Variants in UCHL5 observed in about 807,000 individuals in gnomAD.
The protein encoded by UCHL5 is ubiquitin C-terminal hydrolase L5, also known as ubiquitin carboxyl-terminal hydrolase isozyme L5.
A neutral mutation model predicts 53.8 loss-of-function variants in UCHL5; 34 were observed. That is an observed-to-expected ratio of 0.63 (90% confidence interval 0.48 to 0.84). The LOEUF is 0.84. Among genes scored for constraint, UCHL5 ranks in the 40% least tolerant of loss-of-function variants. UCHL5 has a pLI of 0.00. For synonymous variants in UCHL5, 111 were observed against 126.3 expected, an observed-to-expected ratio of 0.88 and a Z score of 0.81; for missense variants, 290 against 385.6, an observed-to-expected ratio of 0.75 and a Z score of 2.08.
intron 10 of UCHL5, among the ~76,000 whole-genome samples, chr1:193,017,213 A>G (rs1324568621): frequency 1.3e-5 from 2 of 151,934 alleles, no homozygotes; most frequent in Admixed American, 1.3e-4. Flanking sequence ...ACATTTCTAA[A>G]AGCAAGATTT....
upstream of UCHL5, chr1:193,059,579 G>C: frequency 6.7e-7 from 1 of 1,488,802 alleles, no homozygotes; most frequent in East Asian, 3.0e-5. The surrounding 1 kb of genome is among the most constrained non-coding windows in gnomAD (Gnocchi z 4.9). Flanking sequence ...TCGCCCCTCT[G>C]GGGCGGAGGC....
chr1:193,057,739 T>C (rs1274550012), intron 1 of UCHL5, among the ~76,000 whole-genome samples: 1 of 152,278 alleles, frequency 6.6e-6, no homozygotes, highest in African/African-American at 2.4e-5. Flanking sequence ...TATTATGTTC[T>C]AGTCACTTTG....
intron 10 of UCHL5, among the ~76,000 whole-genome samples, chr1:193,020,720 A>T (rs1306755118): frequency 1.3e-5 from 2 of 151,882 alleles, no homozygotes; most frequent in Non-Finnish European, 2.9e-5. Context: ...TAAACCCAAC[A>T]ATGTCCATTC....
chr1:193,012,581 G>C lies in UCHL5; in HGVS notation c.*3770C>G, dbSNP rs1654316970. ...TGCCTATATGCAATCCACTTGTACA[G>C]TGCTAGTTCAGTACTAGAGAAAAAA... On this transcript the variant is annotated 3_prime_UTR_variant, in exon 11 of 11. Coordinates refer to ENST00000367454, the MANE Select transcript of UCHL5 (RefSeq NM_001199261.3). 6.6e-6 allele frequency: 1 copy of C among 152,184 alleles called. No homozygotes were observed. Among genetic ancestry groups the C allele is most frequent in the Non-Finnish European group, 1.5e-5 (1 of 68,040 alleles). 9.4% of individuals were successfully genotyped at this position (152,184 alleles called of 1,614,324 possible).
chr1:193,017,268 G>A (rs1287047557), intron 10 of UCHL5, among the ~76,000 whole-genome samples: 1 of 151,682 alleles, frequency 6.6e-6, no homozygotes, highest in African/African-American at 2.4e-5. Context: ...CACTTCAGAA[G>A]AGTCAATGAA....
At chr1:193,035,435 TG>T (rs1298153888) in intron 3 of UCHL5, among the ~76,000 whole-genome samples, 3 of 151,598 alleles carry the variant, frequency 2.0e-5, no homozygotes, top group Admixed American at 6.6e-5. Flanking sequence ...GGGAGTGGGA[TG>T]AAATTTTCAA....
chr1:193,049,678 A>T, intron 3 of UCHL5, 68 bp downstream of exon 3: 1 of 1,253,016 alleles, frequency 8.0e-7, no homozygotes, highest in Non-Finnish European at 1.1e-6. Flanking sequence ...AGCAAACAGT[A>T]GTAAACTAGA....
rs1416879604 is a variant in UCHL5, at chr1:193,021,838, GTTAA to G, written c.844-647_844-644del. Among the ~76,000 whole-genome samples, 5 of 152,088 alleles carry G rather than the reference GTTAA, an allele frequency of 3.3e-5. No homozygotes were observed. The East Asian group carries it at 9.6e-4, about 29-fold the overall frequency. ...TTCTCCTTTAACTAGAGTTCCTTCA[GTTAA>G]TTAATTAAATTAAAGCTTAACATGT... On this transcript the variant is annotated intron_variant, in intron 9 of 10. Transcript: ENST00000367454.
chr1:193,030,977 T>G (rs1661159558), intron 3 of UCHL5, among the ~76,000 whole-genome samples: 1 of 152,192 alleles, frequency 6.6e-6, no homozygotes, highest in African/African-American at 2.4e-5. Flanking sequence ...TTCTTCTCTT[T>G]AAGCATTTTG....
upstream of UCHL5, chr1:193,059,904 A>G (rs768589230): frequency 1.5e-6 from 2 of 1,365,786 alleles, no homozygotes; most frequent in Non-Finnish European, 2.0e-6. This position sits in a 1 kb window ranked among gnomAD's most constrained non-coding sequence, Gnocchi z 4.9. Flanking sequence ...CCGCGAAACT[A>G]TCGCTCTTCC....
chr1:193,059,261 G>C lies in UCHL5; in HGVS notation c.-1C>G. 6.2e-7 allele frequency: 1 copy of C among 1,614,002 alleles called. No individual in the cohort carries two copies. The highest frequency in any genetic ancestry group is 8.5e-7 in the Non-Finnish European group (1 of 1,179,976). ...ACCACTCCCCGGCATTGCCCGTCAT[G>C]GCCCTGGCCACACACCGCCCCGATC... On this transcript the variant is annotated 5_prime_UTR_variant, in exon 1 of 11. Coordinates refer to ENST00000367454, the MANE Select transcript of UCHL5 (RefSeq NM_001199261.3). This position sits in a 1 kb window ranked among gnomAD's most constrained non-coding sequence, Gnocchi z 4.9.
At chr1:193,032,970 A>C (rs1483025655) in intron 3 of UCHL5, among the ~76,000 whole-genome samples, 1 of 152,202 alleles carries the variant, frequency 6.6e-6, no homozygotes, top group African/African-American at 2.4e-5. Context: ...ACAGTGTGGC[A>C]ATTCCTCAAG....
In UCHL5 at chr1:193,019,836, C is replaced by T. The variant is rs889235667; in HGVS notation, c.942+1261G>A. 1.7e-5 allele frequency: 16 copies of T among 947,224 alleles called. No homozygotes were observed. In the African/African-American group the frequency reaches 2.1e-4, roughly 13 times the overall value. 58.7% of individuals were successfully genotyped at this position (947,224 alleles called of 1,614,324 possible). On this transcript the variant is annotated intron_variant, in intron 10 of 10. Transcript: ENST00000367454. ...GATCAATTTTAATGCAAAATTTATA[C>T]ATTTAATATTTATCTAAGGGTCCTA...
chr1:193,058,735 G>A (rs551849483), intron 1 of UCHL5, among the ~76,000 whole-genome samples: 1 of 152,252 alleles, frequency 6.6e-6, no homozygotes, highest in Non-Finnish European at 1.5e-5. Context: ...TGGGCGGCTT[G>A]AGCCGCAGAC....
intron 3 of UCHL5, among the ~76,000 whole-genome samples, chr1:193,043,169 A>AAAAAAAAAAAAC (rs1558122949): frequency 6.8e-6 from 1 of 147,712 alleles, no homozygotes; most frequent in African/African-American, 2.5e-5. Context: ...AAAAAAAAAA[A>AAAAAAAAAAAAC]AAAAAAACCA....
At chr1:193,020,314 T>A in intron 10 of UCHL5, 2 of 1,546,040 alleles carry the variant, frequency 1.3e-6, no homozygotes, top group Non-Finnish European at 1.7e-6. Context: ...TACCATGTAT[T>A]CTCGTCTTTA....
chr1:193,039,880 A>G (rs1336481270), intron 3 of UCHL5, among the ~76,000 whole-genome samples: 2 of 152,234 alleles, frequency 1.3e-5, no homozygotes, highest in Non-Finnish European at 2.9e-5. Context: ...AAAGGTGCCA[A>G]GAATATACAA....
chr1:193,019,775 C>T (rs140568081), intron 10 of UCHL5: 4 of 750,978 alleles, frequency 5.3e-6, no homozygotes, highest in Middle Eastern at 6.9e-4. Context: ...GGTTCTTTTA[C>T]TTACTAATTT....
intron 6 of UCHL5, 146 bp downstream of exon 6, chr1:193,029,033 A>C (rs1283267399): frequency 4.6e-6 from 4 of 865,496 alleles, no homozygotes; most frequent in Non-Finnish European, 6.9e-6. Flanking sequence ...TTAATATAAC[A>C]CACTGAAGAG....
Sources: gnomAD v4.1 joint callset for allele counts (sites outside exome capture counted in the v4.1 genomes callset) on GRCh38, gnomAD v4.1.1 for gene constraint, Gnocchi (gnomAD v3.1) non-coding constraint, MANE v1.5 for transcripts, NCBI Gene and HGNC (gene_info 2026-07-23, HGNC 2026-07-21) for gene names.